FGFR2: variants seen among roughly 807,000 people sequenced by gnomAD.
The protein encoded by FGFR2 is fibroblast growth factor receptor 2.
A neutral mutation model predicts 95.9 loss-of-function variants in FGFR2; 19 were observed. The observed-to-expected ratio is 0.20, with a 90% confidence interval of 0.14 to 0.29. The LOEUF is 0.29. Ranked by LOEUF, FGFR2 falls within the 10% of genes least tolerant of loss-of-function variation. The pLI is 1.00. For synonymous variants in FGFR2, 392 were observed against 393.3 expected, an observed-to-expected ratio of 1.00 and a Z score of 0.04; for missense variants, 707 against 1,056.9, an observed-to-expected ratio of 0.67 and a Z score of 4.59.
chr10:121,547,948 T>C (rs1312317805), intron 5 of FGFR2, among the ~76,000 whole-genome samples: 3 of 152,104 alleles, frequency 2.0e-5, no homozygotes, highest in Non-Finnish European at 4.4e-5. Context: ...ATGCCTTAGG[T>C]AACTGAAGGA....
chr10:121,522,562 G>GA (rs939444868), intron 6 of FGFR2, among the ~76,000 whole-genome samples: 5 of 151,526 alleles, frequency 3.3e-5, no homozygotes, highest in Admixed American at 6.6e-5. Context: ...TCTTAGAAAA[G>GA]AAAAAAAACT....
Position 121,518,712 on chromosome 10 carries a change from C to A in FGFR2, c.940-1249G>T, listed in dbSNP as rs774261262. ...TGTTTTGGCAGGACAGTGAGCCAGG[C>A]AGACTGGTTGGCCTGCCCTATATAA... On this transcript the variant is annotated intron_variant, in intron 7 of 17. Transcript: ENST00000358487. The surrounding 1 kb of genome is among the most constrained non-coding windows in gnomAD (Gnocchi z 4.0). 6.2e-7 allele frequency: 1 copy of A among 1,614,208 alleles called. No individual in the cohort carries two copies. The highest frequency in any genetic ancestry group is 1.7e-5 in the Admixed American group (1 of 60,014).
rs186011827 is a variant in FGFR2, at chr10:121,595,455, T to C, written c.-150-1488A>G. Among the ~76,000 whole-genome samples the C allele has an allele frequency of 1.9e-3, 292 of 152,174 alleles. 2 individuals carry two copies. The highest frequency in any genetic ancestry group is 6.5e-3 in the African/African-American group (269 of 41,522). ...TGTGTGTGTGTGTACACGGTGTGTG[T>C]GCGTGCATGGTGTGTGTGTATGCAC... On this transcript the variant is annotated intron_variant, in intron 1 of 17. Coordinates refer to ENST00000358487, the MANE Select transcript of FGFR2 (RefSeq NM_000141.5).
rs2133684293 is a variant in FGFR2, at chr10:121,479,983, T to C, written c.2340A>G (p.Ser780=). 1.2e-6 allele frequency: 2 copies of C among 1,614,180 alleles called. No homozygotes were observed. The highest frequency in any genetic ancestry group is 2.2e-5 in the South Asian group (2 of 91,074). ...LDLSQPLEQY[S]PSYPDTRSSC... ...AACTTCTTGTGTCAGGGTAACTAGG[T>C]GAATACTGTTCGAGAGGTTGGCTGA... The change falls in exon 18 of 18, where the codon TCA becomes TCG. Residue 780 remains serine (S), a synonymous_variant. Coordinates refer to ENST00000358487, the MANE Select transcript of FGFR2 (RefSeq NM_000141.5).
intron 9 of FGFR2, among the ~76,000 whole-genome samples, chr10:121,512,094 G>A (rs1374664784): frequency 2.0e-5 from 3 of 152,122 alleles, no homozygotes; most frequent in South Asian, 2.1e-4. Context: ...GTGTCCTAGA[G>A]GAGACTGGCC....
chr10:121,492,510 C>T (rs973607062), intron 13 of FGFR2, among the ~76,000 whole-genome samples: 1 of 152,144 alleles, frequency 6.6e-6, no homozygotes, highest in Non-Finnish European at 1.5e-5. Context: ...GAACCCAGTA[C>T]ATCAGTAACG....
At chr10:121,537,278 T>C (rs1852984962) in intron 6 of FGFR2, among the ~76,000 whole-genome samples, 1 of 152,238 alleles carries the variant, frequency 6.6e-6, no homozygotes, top group Non-Finnish European at 1.5e-5. Context: ...CTATTTTCCC[T>C]GAATGCTTAT....
chr10:121,556,184 A>T (rs2134942190), intron 4 of FGFR2, among the ~76,000 whole-genome samples: 1 of 152,260 alleles, frequency 6.6e-6, no homozygotes, highest in East Asian at 1.9e-4. Context: ...CTATAAAATG[A>T]AGTAGTTGCA....
At chr10:121,543,503 C>CT (rs1854063149) in intron 5 of FGFR2, among the ~76,000 whole-genome samples, 1 of 152,154 alleles carries the variant, frequency 6.6e-6, no homozygotes, top group Non-Finnish European at 1.5e-5. Context: ...GAGTGAGACT[C>CT]TGTCTCAAAA....
At position 121,518,733 on chromosome 10, in the gene FGFR2, T is replaced by C. The variant is rs2134282639; in HGVS notation, c.939+1246A>G. ...CAGGCAGACTGGTTGGCCTGCCCTA[T>C]ATAATTGGAGACCTTACATATATAT... is the stretch of plus-strand genomic sequence containing the variant. On this transcript the variant is annotated intron_variant, in intron 7 of 17. Transcript: ENST00000358487. The surrounding 1 kb of genome is among the most constrained non-coding windows in gnomAD (Gnocchi z 4.0). 1.2e-6 allele frequency: 2 copies of C among 1,614,192 alleles called. No homozygotes were observed. The highest frequency in any genetic ancestry group is 1.1e-5 in the South Asian group (1 of 91,084).
In FGFR2 at chr10:121,479,796, C is replaced by A. The variant is rs1844436123; in HGVS notation, c.*61G>T. 2 of 1,613,690 alleles carry A rather than the reference C, an allele frequency of 1.2e-6. No individual in the cohort carries two copies. Among genetic ancestry groups the A allele is most frequent in the Non-Finnish European group, 1.7e-6 (2 of 1,179,788 alleles). On this transcript the variant is annotated 3_prime_UTR_variant, in exon 18 of 18. Coordinates refer to ENST00000358487, the MANE Select transcript of FGFR2 (RefSeq NM_000141.5). ...AACAAGCTCTGGGAGGCATGGTCTC[C>A]CTGCTCAGTGTAGCTAGGTTCCCAG...
intron 6 of FGFR2, chr10:121,530,335 T>G (rs1482187365): frequency 6.6e-6 from 1 of 152,140 alleles, no homozygotes; most frequent in Non-Finnish European, 1.5e-5. Flanking sequence ...TTAACAAGAG[T>G]TGGCAGGCCA....
chr10:121,485,578 G>T lies in FGFR2; in HGVS notation c.2058-46C>A. On this transcript the variant is annotated intron_variant, in intron 15 of 17. Coordinates refer to ENST00000358487, the MANE Select transcript of FGFR2 (RefSeq NM_000141.5). This position sits in a 1 kb window ranked among gnomAD's most constrained non-coding sequence, Gnocchi z 4.2. ...ACGGCATTACTAACCCATCCACGTT[G>T]CCAAAACCTAAACACGCCCAGCTGA... is the stretch of plus-strand genomic sequence containing the variant. The T allele has an allele frequency of 6.2e-7, 1 of 1,613,518 alleles. No homozygotes were observed. Among genetic ancestry groups the T allele is most frequent in the Non-Finnish European group, 8.5e-7 (1 of 1,179,786 alleles).
intron 17 of FGFR2, chr10:121,480,393 A>G: frequency 2.7e-6 from 1 of 366,746 alleles, no homozygotes; most frequent in Non-Finnish European, 5.2e-6. Context: ...GGACCTAAAT[A>G]ACCCGCTGAG....
intron 12 of FGFR2, among the ~76,000 whole-genome samples, chr10:121,497,653 T>C (rs1847054790): frequency 6.6e-6 from 1 of 152,178 alleles, no homozygotes; most frequent in South Asian, 2.1e-4. Flanking sequence ...TGTGCAATAA[T>C]TTCTCCATGG....
intron 5 of FGFR2, among the ~76,000 whole-genome samples, chr10:121,550,496 C>T (rs1855222967): frequency 6.6e-6 from 1 of 152,210 alleles, no homozygotes; most frequent in Non-Finnish European, 1.5e-5. Flanking sequence ...ACTAAAATTT[C>T]ATGGCATTGT....
chr10:121,540,057 G>A (rs779159809), intron 5 of FGFR2, among the ~76,000 whole-genome samples: 29 of 152,192 alleles, frequency 1.9e-4, no homozygotes, highest in Admixed American at 1.1e-3. Flanking sequence ...AAACGAGGTC[G>A]CTGCTCATCA....
chr10:121,497,873 A>G (rs1211731791), intron 12 of FGFR2, among the ~76,000 whole-genome samples: 1 of 152,214 alleles, frequency 6.6e-6, no homozygotes. Context: ...CCTTTACAGA[A>G]AAAGTTCACC....
chr10:121,597,295 T>A (rs1276787579), intron 1 of FGFR2, among the ~76,000 whole-genome samples: 1 of 152,188 alleles, frequency 6.6e-6, no homozygotes, highest in African/African-American at 2.4e-5. Context: ...GCTTTCGACA[T>A]CTCCCAGCCG....
Sources: gnomAD v4.1 joint callset for allele counts (sites outside exome capture counted in the v4.1 genomes callset) on GRCh38, gnomAD v4.1.1 for gene constraint, Gnocchi (gnomAD v3.1) non-coding constraint, MANE v1.5 for transcripts, NCBI Gene and HGNC (gene_info 2026-07-23, HGNC 2026-07-21) for gene names.